GAD2: variants seen among roughly 807,000 people sequenced by gnomAD.
GAD2 encodes glutamate decarboxylase 2.
GAD2 carries 22 observed loss-of-function variants against 80.1 expected under a neutral mutation model. That is an observed-to-expected ratio of 0.27 (90% CI 0.20 to 0.39). The LOEUF (loss-of-function observed/expected upper bound fraction) is 0.39. Among genes scored for constraint, GAD2 ranks in the 10% least tolerant of loss-of-function variants. The pLI is 1.00. For missense variants in GAD2, 624 were observed against 738.4 expected, an observed-to-expected ratio of 0.85 and a Z score of 1.80; for synonymous variants, 274 against 256.9, an observed-to-expected ratio of 1.07 and a Z score of -0.64.
At position 26,250,741 on chromosome 10, in the gene GAD2, G is replaced by A. The variant is rs375804146; in HGVS notation, c.920+4741G>A. 6.2e-4 allele frequency among the ~76,000 whole-genome samples: 94 copies of A among 152,122 alleles called. 1 individual carries two copies. Among genetic ancestry groups the A allele is most frequent in the African/African-American group, 2.3e-3 (94 of 41,482 alleles). On this transcript the variant is annotated intron_variant, in intron 8 of 15. Transcript: ENST00000376261. The stretch of plus-strand genomic sequence containing the variant: ...ATTTACCATTTAAAAAGCAATATAT[G>A]CTCACTTTTTTTAAAAAAAAGAAAA...
In GAD2 at chr10:26,286,329, C is replaced by A; in HGVS notation, c.1237-16C>A. ...TAGTCAGTAGAATTTCCTAAATTTT[C>A]TCTTCTCTCTTGTAGGGATTGATGC... On this transcript the variant is annotated splice_polypyrimidine_tract_variant and intron_variant, in intron 12 of 15. Coordinates refer to ENST00000376261, the MANE Select transcript of GAD2 (RefSeq NM_001134366.2). The A allele has an allele frequency of 4.4e-6, 7 of 1,594,334 alleles. No individual in the cohort carries two copies. The highest frequency in any genetic ancestry group is 4.1e-5 in the African/African-American group (3 of 73,686).
chr10:26,244,305 T>C (rs1454874249), intron 7 of GAD2, among the ~76,000 whole-genome samples: 1 of 152,174 alleles, frequency 6.6e-6, no homozygotes, highest in Non-Finnish European at 1.5e-5. Flanking sequence ...GGTACCGCCA[T>C]GATGGAGCAC....
intron 13 of GAD2, among the ~76,000 whole-genome samples, chr10:26,291,062 G>T (rs933145478): frequency 2.0e-5 from 3 of 152,204 alleles, no homozygotes; most frequent in African/African-American, 4.8e-5. Flanking sequence ...AATCAGAGAG[G>T]CATCATCATT....
chr10:26,239,465 G>A (rs1335349451), intron 7 of GAD2, among the ~76,000 whole-genome samples: 1 of 152,222 alleles, frequency 6.6e-6, no homozygotes, highest in Non-Finnish European at 1.5e-5. Flanking sequence ...CACCAACATT[G>A]GGATTTGTGG....
intron 9 of GAD2, among the ~76,000 whole-genome samples, chr10:26,269,567 T>C (rs1845110788): frequency 1.3e-5 from 2 of 152,236 alleles, no homozygotes; most frequent in Admixed American, 6.5e-5. Flanking sequence ...TGTAGGTGCA[T>C]GCTGTTAGCA....
chr10:26,260,416 G>A (rs1166736409), intron 8 of GAD2, among the ~76,000 whole-genome samples: 2 of 152,116 alleles, frequency 1.3e-5, no homozygotes, highest in African/African-American at 2.4e-5. Context: ...ATCACCTGAG[G>A]TCAGGAGTTC....
chr10:26,300,128 A>G, intron 15 of GAD2, among the ~76,000 whole-genome samples: 1 of 152,200 alleles, frequency 6.6e-6, no homozygotes, highest in East Asian at 1.9e-4. Flanking sequence ...TACTGAGGCT[A>G]TAATCAAAAA....
intron 11 of GAD2, among the ~76,000 whole-genome samples, chr10:26,277,366 C>T (rs775358466): frequency 3.3e-5 from 5 of 152,178 alleles, no homozygotes; most frequent in Non-Finnish European, 7.3e-5. Flanking sequence ...GTTCTTTCCA[C>T]GAAACATAGA....
intron 8 of GAD2, among the ~76,000 whole-genome samples, chr10:26,257,567 G>A (rs113398843): frequency 1.3e-5 from 2 of 152,176 alleles, no homozygotes; most frequent in African/African-American, 4.8e-5. Context: ...GACTACAAGA[G>A]TCATTGGCTT....
intron 7 of GAD2, among the ~76,000 whole-genome samples, chr10:26,234,155 C>T (rs753590999): frequency 3.9e-5 from 6 of 152,034 alleles, no homozygotes; most frequent in Admixed American, 6.6e-5. Context: ...GAAACCCCGT[C>T]TCTACTGAAA....
At chr10:26,267,775 A>G (rs991217658) in intron 8 of GAD2, among the ~76,000 whole-genome samples, 3 of 152,184 alleles carry the variant, frequency 2.0e-5, no homozygotes, top group Non-Finnish European at 4.4e-5. Flanking sequence ...TGGCCTGAAA[A>G]AAAAAAAGGG....
intron 8 of GAD2, among the ~76,000 whole-genome samples, chr10:26,256,580 T>A (rs906668211): frequency 6.6e-6 from 1 of 152,194 alleles, no homozygotes; most frequent in African/African-American, 2.4e-5. Flanking sequence ...GACATTGATG[T>A]TTTTTATGAG....
chr10:26,235,706 C>T (rs192931209), intron 7 of GAD2, among the ~76,000 whole-genome samples: 44 of 152,272 alleles, frequency 2.9e-4, no homozygotes, highest in Non-Finnish European at 1.6e-4. Flanking sequence ...TTCAGTCATA[C>T]AAAGGCTTGG....
chr10:26,231,432 A>G (rs1476777990), intron 7 of GAD2, among the ~76,000 whole-genome samples: 1 of 152,248 alleles, frequency 6.6e-6, no homozygotes, highest in Admixed American at 6.5e-5. Context: ...CAGTGGATAC[A>G]GTTCATTACC....
chr10:26,251,260 A>G (rs1844878367), intron 8 of GAD2, among the ~76,000 whole-genome samples: 1 of 151,996 alleles, frequency 6.6e-6, no homozygotes, highest in Admixed American at 6.6e-5. Context: ...TTACAAACAC[A>G]AACACACTTA....
chr10:26,282,919 G>T (rs571414377), intron 12 of GAD2, among the ~76,000 whole-genome samples: 9 of 152,280 alleles, frequency 5.9e-5, no homozygotes, highest in African/African-American at 1.9e-4. Flanking sequence ...TTTTTCATCA[G>T]TTAAAAATCC....
At chr10:26,253,252 G>GAA (rs1255780640) in intron 8 of GAD2, among the ~76,000 whole-genome samples, 1 of 152,154 alleles carries the variant, frequency 6.6e-6, no homozygotes, top group Admixed American at 6.5e-5. Flanking sequence ...TTCGAAAGAA[G>GAA]AAAATGTGTT....
chr10:26,272,110 G>C (rs1845144480), intron 10 of GAD2, among the ~76,000 whole-genome samples: 1 of 152,040 alleles, frequency 6.6e-6, no homozygotes, highest in Non-Finnish European at 1.5e-5. Flanking sequence ...GGCTTAGCTG[G>C]GTGCATTTCC....
intron 8 of GAD2, among the ~76,000 whole-genome samples, chr10:26,259,072 C>G (rs113228483): frequency 4.6e-5 from 7 of 152,336 alleles, no homozygotes; most frequent in South Asian, 2.1e-4. Context: ...CCCACCTCAG[C>G]CTCCCAAAGT....
Sources: gnomAD v4.1 joint callset for allele counts (sites outside exome capture counted in the v4.1 genomes callset) on GRCh38, gnomAD v4.1.1 for gene constraint, MANE v1.5 for transcripts, NCBI Gene and HGNC (gene_info 2026-07-23, HGNC 2026-07-21) for gene names.